KLF12: variants seen among roughly 807,000 people sequenced by gnomAD.
KLF12 encodes Krueppel-like factor 12.
In KLF12, 9 loss-of-function variants were observed where a neutral mutation model predicts 37.8. That is an observed-to-expected ratio of 0.24 (90% CI 0.14 to 0.42). KLF12 has a LOEUF of 0.42. Among genes scored for constraint, KLF12 ranks in the 10% least tolerant of loss-of-function variants. The probability of loss-of-function intolerance (pLI) is 1.00; values close to 1 mark genes in which losing one functional copy is unlikely to be tolerated. For missense variants in KLF12, 411 were observed against 516.0 expected, an observed-to-expected ratio of 0.80 and a Z score of 1.97; for synonymous variants, 208 against 202.1, an observed-to-expected ratio of 1.03 and a Z score of -0.25.
intron 1 of KLF12, among the ~76,000 whole-genome samples, chr13:74,075,947 G>C (rs956837918): frequency 2.6e-5 from 4 of 152,104 alleles, no homozygotes; most frequent in African/African-American, 4.8e-5. Flanking sequence ...TAATTATTTT[G>C]TTATAATTAC....
At chr13:74,151,727 G>T in the KLF12 span, among the ~76,000 whole-genome samples, 27 of 152,200 alleles carry the variant, frequency 1.8e-4, no homozygotes, top group African/African-American at 6.5e-4. Flanking sequence ...AGATATTCTG[G>T]CTAGGAAATG....
At chr13:74,249,455 C>G in the KLF12 span, among the ~76,000 whole-genome samples, 2 of 151,454 alleles carry the variant, frequency 1.3e-5, no homozygotes, top group African/African-American at 4.9e-5. Context: ...TGGGGATATG[C>G]GAGTCCAGAT....
chr13:73,977,583 A>G (rs1891567018), intron 2 of KLF12, among the ~76,000 whole-genome samples: 2 of 152,252 alleles, frequency 1.3e-5, no homozygotes, highest in African/African-American at 2.4e-5. Flanking sequence ...AACTCATGGG[A>G]TTCTAGCAAG....
rs190947552 is a variant in KLF12 at position 74,131,442 on chromosome 13, T to C, written c.-32+2297A>G. ...TTTCAGCACACACATAGGCTGCAGC[T>C]GTAGTAAACAACCACCAGCCAAGAG... On this transcript the variant is annotated intron_variant, in intron 1 of 7. Transcript: ENST00000377669. Among the ~76,000 whole-genome samples the C allele has an allele frequency of 2.6e-5, 4 of 152,260 alleles. No individual in the cohort carries two copies. In the East Asian group the frequency reaches 7.7e-4, roughly 29 times the overall value.
chr13:73,866,338 A>G (rs139513491), intron 3 of KLF12, among the ~76,000 whole-genome samples: 3 of 152,328 alleles, frequency 2.0e-5, no homozygotes, highest in African/African-American at 7.2e-5. Flanking sequence ...AGAGGAGTGG[A>G]GAGAAAGAAT....
At chr13:73,976,312 CT>C (rs1891520985) in intron 2 of KLF12, among the ~76,000 whole-genome samples, 1 of 152,140 alleles carries the variant, frequency 6.6e-6, no homozygotes, top group Non-Finnish European at 1.5e-5. Flanking sequence ...GAGCACGCCC[CT>C]CTGGAGCACC....
chr13:74,051,345 C>CACAA (rs1872913924), intron 1 of KLF12, among the ~76,000 whole-genome samples: 2 of 146,496 alleles, frequency 1.4e-5, no homozygotes, highest in South Asian at 2.1e-4. Context: ...CACACAAACA[C>CACAA]ACACACACAC....
rs761363360 is a variant in KLF12, at chr13:73,813,104, T to C, written c.806+48A>G. On this transcript the variant is annotated intron_variant, in intron 5 of 7. Transcript: ENST00000377669. ...GAGATGCTGCAGTTTCCATTATCCA[T>C]TGAACACCTTGGCAATTCTTAATTC... 3.1e-6 allele frequency: 5 copies of C among 1,601,754 alleles called. No homozygotes were observed. The African/African-American group carries it at 4.0e-5, about 13-fold the overall frequency.
chr13:74,217,659 G>A, the KLF12 span, among the ~76,000 whole-genome samples: 11 of 152,052 alleles, frequency 7.2e-5, no homozygotes, highest in African/African-American at 1.7e-4. Context: ...CCTGGGAGGC[G>A]GAGGTTGCAG....
intron 3 of KLF12, among the ~76,000 whole-genome samples, chr13:73,847,254 A>G (rs1885080041): frequency 6.6e-6 from 1 of 152,188 alleles, no homozygotes; most frequent in Non-Finnish European, 1.5e-5. Flanking sequence ...TAGACTAAAA[A>G]GAGAGAATTA....
chr13:74,123,682 G>A (rs1240166322), intron 1 of KLF12, among the ~76,000 whole-genome samples: 6 of 152,146 alleles, frequency 3.9e-5, no homozygotes, highest in African/African-American at 1.2e-4. Context: ...TTTGGAAGAA[G>A]GTAAAAATTC....
intron 1 of KLF12, among the ~76,000 whole-genome samples, chr13:74,062,303 C>A (rs2138655333): frequency 6.6e-6 from 1 of 152,222 alleles, no homozygotes; most frequent in Admixed American, 6.5e-5. Context: ...CTCTCATTTT[C>A]TCTATATTTG....
At chr13:73,965,509 G>T (rs1034539569) in intron 2 of KLF12, among the ~76,000 whole-genome samples, 1 of 152,094 alleles carries the variant, frequency 6.6e-6, no homozygotes, top group African/African-American at 2.4e-5. Flanking sequence ...GATATGATGG[G>T]TGGGGAATCT....
At chr13:73,863,054 G>A (rs561656922) in intron 3 of KLF12, among the ~76,000 whole-genome samples, 1 of 151,960 alleles carries the variant, frequency 6.6e-6, no homozygotes, top group East Asian at 1.9e-4. Context: ...TTTATGTTGG[G>A]TTTAAAATTC....
intron 3 of KLF12, among the ~76,000 whole-genome samples, chr13:73,923,213 AAGAT>A (rs765509369): frequency 1.3e-5 from 2 of 152,216 alleles, no homozygotes; most frequent in Non-Finnish European, 2.9e-5. Flanking sequence ...TACTGCTTCA[AAGAT>A]AGAGTGAGTA....
chr13:74,176,343 A>C, the KLF12 span, among the ~76,000 whole-genome samples: 1 of 152,012 alleles, frequency 6.6e-6, no homozygotes, highest in African/African-American at 2.4e-5. Flanking sequence ...AATACATAAA[A>C]TTTTTCATTT....
At chr13:73,717,226 T>C (rs1875884826) in intron 6 of KLF12, among the ~76,000 whole-genome samples, 1 of 152,180 alleles carries the variant, frequency 6.6e-6, no homozygotes. Flanking sequence ...ATCCCAGCAC[T>C]TTGGGAAGCT....
chr13:73,802,578 G>A (rs1029219368), intron 5 of KLF12, among the ~76,000 whole-genome samples: 1 of 152,086 alleles, frequency 6.6e-6, no homozygotes, highest in Non-Finnish European at 1.5e-5. Context: ...CGTCACCCAA[G>A]TACTAAGCAT....
chr13:74,087,480 C>T (rs1875383766), intron 1 of KLF12, among the ~76,000 whole-genome samples: 1 of 152,134 alleles, frequency 6.6e-6, no homozygotes, highest in African/African-American at 2.4e-5. Flanking sequence ...TCAAGGACAG[C>T]TGCACGATAT....
Sources: allele counts gnomAD v4.1 joint callset (sites outside exome capture counted in the v4.1 genomes callset), GRCh38; gene constraint gnomAD v4.1.1; transcripts MANE v1.5; gene names NCBI Gene and HGNC (gene_info 2026-07-23, HGNC 2026-07-21).